BCAS3: variants seen among roughly 807,000 people sequenced by gnomAD.
The protein encoded by BCAS3 is BCAS3 microtubule associated cell migration factor, also known as BCAS4/BCAS3 fusion.
BCAS3 carries 53 observed loss-of-function variants against 116.1 expected under a neutral mutation model. The ratio of observed to expected loss-of-function variants is 0.46; its 90% CI spans 0.37 to 0.57. The LOEUF is 0.57. Ranked by LOEUF, BCAS3 falls within the 20% of genes least tolerant of loss-of-function variation. The pLI is 0.00. For synonymous variants in BCAS3, 391 were observed against 408.2 expected, an observed-to-expected ratio of 0.96 and a Z score of 0.51; for missense variants, 917 against 1,165.4, an observed-to-expected ratio of 0.79 and a Z score of 3.10.
intron 22 of BCAS3, among the ~76,000 whole-genome samples, chr17:61,116,325 T>A (rs1284192894): frequency 6.6e-6 from 1 of 152,160 alleles, no homozygotes; most frequent in African/African-American, 2.4e-5. Context: ...GTGGCCAATA[T>A]ATGTATATTG....
At chr17:60,969,172 C>A (rs534162792) in intron 14 of BCAS3, among the ~76,000 whole-genome samples, 1 of 152,174 alleles carries the variant, frequency 6.6e-6, no homozygotes, top group East Asian at 1.9e-4. Context: ...GTTAAAATCT[C>A]GGTACTATAT....
chr17:61,047,535 T>C (rs1054959956), intron 19 of BCAS3, among the ~76,000 whole-genome samples: 3 of 152,046 alleles, frequency 2.0e-5, no homozygotes. Flanking sequence ...TATAAAAAGA[T>C]GACAGCAGAG....
At chr17:60,700,880 G>GT (rs1189915406) in intron 4 of BCAS3, among the ~76,000 whole-genome samples, 1 of 152,140 alleles carries the variant, frequency 6.6e-6, no homozygotes, top group Non-Finnish European at 1.5e-5. Flanking sequence ...TCTGAAGTGG[G>GT]TTTGGGGTAA....
intron 9 of BCAS3, among the ~76,000 whole-genome samples, chr17:60,881,440 CTT>C (rs779372499): frequency 2.0e-5 from 3 of 146,638 alleles, no homozygotes; most frequent in Non-Finnish European, 3.0e-5. Flanking sequence ...AATTGTTTAA[CTT>C]TTTTTTTTTT....
At chr17:61,025,550 A>G (rs1194863219) in intron 16 of BCAS3, among the ~76,000 whole-genome samples, 3 of 152,096 alleles carry the variant, frequency 2.0e-5, no homozygotes, top group Non-Finnish European at 4.4e-5. Context: ...GTACTCGTGC[A>G]CATACCAGCT....
In BCAS3 at chr17:61,326,057, C is replaced by T. The variant is rs916143687; in HGVS notation, c.2426-42270C>T. On this transcript the variant is annotated intron_variant, in intron 22 of 23. Transcript: ENST00000407086. The surrounding 1 kb of genome is among the most constrained non-coding windows in gnomAD (Gnocchi z 5.3). ...TGCTAACTGTGTGTGCTATTAAATG[C>T]GCACTGCCCGGACACAGTGGAGCTT... is the stretch of plus-strand genomic sequence containing the variant. Among the ~76,000 whole-genome samples, 9 of 152,278 alleles carry T rather than the reference C, an allele frequency of 5.9e-5. No individual in the cohort carries two copies. The South Asian group carries it at 6.2e-4, about 11-fold the overall frequency.
intron 19 of BCAS3, among the ~76,000 whole-genome samples, chr17:61,061,460 C>T (rs549935280): frequency 1.7e-4 from 26 of 152,134 alleles, no homozygotes; most frequent in African/African-American, 6.3e-4. Flanking sequence ...TACATTAGAG[C>T]CTTTGCTATT....
chr17:61,067,261 ATGTGTGTATGTG>A (rs1334500680), intron 19 of BCAS3, among the ~76,000 whole-genome samples: 1 of 95,910 alleles, frequency 1.0e-5, no homozygotes, highest in African/African-American at 5.3e-5. Context: ...AACTTTATTT[ATGTGTGTATGTG>A]TATATATATA....
At chr17:60,886,731 G>C (rs1184400183) in intron 9 of BCAS3, among the ~76,000 whole-genome samples, 1 of 152,074 alleles carries the variant, frequency 6.6e-6, no homozygotes, top group Non-Finnish European at 1.5e-5. Context: ...GCTCCTGCTG[G>C]GGGGTGCCTC....
rs2051637530 is a variant in BCAS3, at chr17:61,285,218, CCCT to C, written c.2426-83102_2426-83100del. Among the ~76,000 whole-genome samples the C allele has an allele frequency of 7.6e-6, 1 of 132,404 alleles. No homozygotes were observed. The allele number at this position is 132,404 out of a possible 152,430, so 86.9% of individuals were successfully genotyped here. A position where few individuals can be genotyped will look rare whatever the true frequency, so the allele number is the denominator to read the frequency against. ...ACTAAATTGGGGTGTTTTGCTTTTC[CCCT>C]CCTCCTAGGTTGTGTGTGTGTGTGT... On this transcript the variant is annotated intron_variant, in intron 22 of 23. Transcript: ENST00000407086. The surrounding 1 kb of genome is among the most constrained non-coding windows in gnomAD (Gnocchi z 5.4).
At chr17:61,373,459 T>G (rs1202024181) in intron 23 of BCAS3, among the ~76,000 whole-genome samples, 1 of 151,052 alleles carries the variant, frequency 6.6e-6, no homozygotes, top group African/African-American at 2.4e-5. Context: ...ACATTTTTTT[T>G]TTCTCTGTCA....
rs1395919449 is a variant in BCAS3, at chr17:60,843,219, A to T, written c.477-25357A>T. Reference sequence around the variant, plus strand: ...AATATTTTGTTGTTGTTGTTTGTTAATTTTTTTTTTTTTTTGAGACAGAGG... The same window carrying T: ...AATATTTTGTTGTTGTTGTTTGTTATTTTTTTTTTTTTTTTGAGACAGAGG... On this transcript the variant is annotated intron_variant, in intron 7 of 23. Coordinates refer to ENST00000407086, the MANE Select transcript of BCAS3 (RefSeq NM_017679.5). Among the ~76,000 whole-genome samples, 6 of 136,044 alleles carry T rather than the reference A, an allele frequency of 4.4e-5. No homozygotes were observed. The East Asian group carries it at 6.3e-4, about 14-fold the overall frequency. The allele number at this position is 136,044 out of a possible 152,430, so 89.3% of individuals were successfully genotyped here. A position where few individuals can be genotyped will look rare whatever the true frequency, so the allele number is the denominator to read the frequency against.
chr17:61,081,264 T>C (rs1266257676), intron 21 of BCAS3, among the ~76,000 whole-genome samples: 1 of 152,218 alleles, frequency 6.6e-6, no homozygotes, highest in Non-Finnish European at 1.5e-5. Context: ...TATAAAGCCC[T>C]GTGCTGTACT....
intron 13 of BCAS3, among the ~76,000 whole-genome samples, chr17:60,939,158 C>T (rs901097216): frequency 3.3e-5 from 5 of 152,054 alleles, no homozygotes; most frequent in South Asian, 2.1e-4. Context: ...AGGCCAGGTG[C>T]GGTGGCTCAC....
At chr17:60,965,639 T>C (rs1315793685) in intron 14 of BCAS3, among the ~76,000 whole-genome samples, 1 of 152,236 alleles carries the variant, frequency 6.6e-6, no homozygotes, top group Non-Finnish European at 1.5e-5. Context: ...TTAATTTCTA[T>C]GTGTTTATAT....
intron 6 of BCAS3, among the ~76,000 whole-genome samples, chr17:60,775,826 C>T (rs764042171): frequency 2.0e-5 from 3 of 152,056 alleles, no homozygotes; most frequent in Non-Finnish European, 4.4e-5. Flanking sequence ...AAGTTTTTGG[C>T]AGTGTTTTAC....
intron 6 of BCAS3, among the ~76,000 whole-genome samples, chr17:60,783,524 G>A (rs371136431): frequency 1.8e-4 from 28 of 152,322 alleles, no homozygotes; most frequent in African/African-American, 6.3e-4. Flanking sequence ...TACTGATAAT[G>A]TGGTAGACTA....
intron 6 of BCAS3, among the ~76,000 whole-genome samples, chr17:60,753,174 T>C (rs1001515764): frequency 6.6e-6 from 1 of 152,170 alleles, no homozygotes; most frequent in Non-Finnish European, 1.5e-5. Flanking sequence ...CTAGGGAAGA[T>C]AGAAAATCCT....
intron 7 of BCAS3, among the ~76,000 whole-genome samples, chr17:60,823,309 T>C (rs949944615): frequency 6.6e-6 from 1 of 151,990 alleles, no homozygotes; most frequent in African/African-American, 2.4e-5. Context: ...GAATCGTGAG[T>C]CCCAGAAAGG....
Sources: allele counts gnomAD v4.1 joint callset (sites outside exome capture counted in the v4.1 genomes callset), GRCh38; gene constraint gnomAD v4.1.1; non-coding constraint Gnocchi (gnomAD v3.1); transcripts MANE v1.5; gene names NCBI Gene and HGNC (gene_info 2026-07-23, HGNC 2026-07-21).